MDGA1: variants seen among roughly 807,000 people sequenced by gnomAD.
MDGA1 encodes the protein MAM domain containing glycosylphosphatidylinositol anchor 1.
A neutral mutation model predicts 101.5 loss-of-function variants in MDGA1; 54 were observed. That is an observed-to-expected ratio of 0.53 (90% confidence interval 0.43 to 0.67). The LOEUF (loss-of-function observed/expected upper bound fraction) is 0.67. MDGA1 is among the 30% of genes least tolerant of loss of function. The pLI is 0.00. For missense variants in MDGA1, 1,083 were observed against 1,323.8 expected (o/e 0.82, Z 2.82); for synonymous variants, 533 against 558.3 (o/e 0.95, Z 0.64).
chr6:37,658,280 AC>A lies in MDGA1; in HGVS notation c.346del (p.Val116CysfsTer19). On this transcript the variant is annotated frameshift_variant, in exon 3 of 17. Coordinates refer to ENST00000434837, the MANE Select transcript of MDGA1 (RefSeq NM_153487.4). LOFTEE classifies it high-confidence loss of function. ...YYCKAENGVG[V>X]PAIKSIRVDV... ...CACGCGGATGGACTTGATGGCCGGC[AC>A]CCCCACGCCGTTCTCAGCCTTGCAG... The A allele has an allele frequency of 6.2e-7, 1 of 1,607,580 alleles. No individual in the cohort carries two copies. Among genetic ancestry groups the A allele is most frequent in the Non-Finnish European group, 8.5e-7 (1 of 1,177,000 alleles).
chr6:37,679,637 G>A (rs1179513370), intron 1 of MDGA1, among the ~76,000 whole-genome samples: 3 of 152,156 alleles, frequency 2.0e-5, no homozygotes, highest in Non-Finnish European at 2.9e-5. Flanking sequence ...CTGTGCCTCA[G>A]CCAGTGACAG....
At chr6:37,643,175 A>G (rs1764132125) in intron 14 of MDGA1, 1 of 152,112 alleles carries the variant, frequency 6.6e-6, no homozygotes, top group African/African-American at 2.4e-5. Context: ...GATGCGGCGC[A>G]CCCAGGACAT....
At chr6:37,683,933 C>T (rs143937216) in intron 1 of MDGA1, among the ~76,000 whole-genome samples, 8 of 152,330 alleles carry the variant, frequency 5.3e-5, no homozygotes, top group East Asian at 3.9e-4. Flanking sequence ...GTGTCCACTA[C>T]GAAATTTCTC....
intron 2 of MDGA1, 133 bp downstream of exon 2, chr6:37,663,834 C>A: frequency 2.0e-6 from 2 of 984,044 alleles, no homozygotes; most frequent in South Asian, 3.5e-5. Context: ...TTTCCCCAGC[C>A]CCCATCTCCT....
rs777334175 is a variant in MDGA1, at chr6:37,654,918, G to A, written c.594C>T (p.Val198=). 1.2e-6 allele frequency: 2 copies of A among 1,613,444 alleles called. No individual in the cohort carries two copies. Among genetic ancestry groups the A allele is most frequent in the Non-Finnish European group, 1.7e-6 (2 of 1,179,808 alleles). Residue 198 remains valine, a synonymous_variant, in exon 5 of 17, where the codon GTC becomes GTT. Coordinates refer to ENST00000434837, the MANE Select transcript of MDGA1 (RefSeq NM_153487.4). ...EPLYTQGETK[V]LKLKNLRPQD... is the part of the protein sequence containing the mutation. The stretch of plus-strand genomic sequence containing the variant: ...GGGGCCGCAGGTTCTTCAGCTTCAG[G>A]ACCTTGGTCTCCCCCTGGGCAGCAG...
chr6:37,668,531 G>A (rs1761803402), intron 1 of MDGA1, among the ~76,000 whole-genome samples: 1 of 152,168 alleles, frequency 6.6e-6, no homozygotes, highest in Non-Finnish European at 1.5e-5. Context: ...AATTCTATGA[G>A]TAAATAAGTT....
At position 37,632,186 on chromosome 6, in the gene MDGA1, T is replaced by C. The variant is rs6926735; in HGVS notation, c.*5182A>G. 0.16 allele frequency: 24,242 copies of C among 152,180 alleles called. 2,351 individuals are homozygous for C. The highest frequency in any genetic ancestry group is 0.42 in the East Asian group (2,167 of 5,154). 9.4% of individuals were successfully genotyped at this position (152,180 alleles called of 1,614,324 possible). ...AGAACCCTCTTCATACCTTCTTTCA[T>C]AGCACCAATTTCCCTTCCCAGCCCT... On this transcript the variant is annotated 3_prime_UTR_variant, in exon 17 of 17. Transcript: ENST00000434837.
Position 37,655,835 on chromosome 6 carries a change from G to A in MDGA1, c.444C>T (p.Tyr148=). ...QTVSDVRGNF[Y]QEKTVFLRCT... ...AGCGCAGGAACACCGTCTTCTCCTG[G>A]TAGAAGTTGCCTCGCACATCGCTCA... Residue 148 remains tyrosine, a synonymous_variant, in exon 4 of 17, where the codon TAC becomes TAT. Coordinates refer to ENST00000434837, the MANE Select transcript of MDGA1 (RefSeq NM_153487.4). The surrounding 1 kb of genome is among the most constrained non-coding windows in gnomAD (Gnocchi z 5.1). The A allele has an allele frequency of 1.9e-6, 3 of 1,613,698 alleles. No individual in the cohort carries two copies. Among genetic ancestry groups the A allele is most frequent in the Non-Finnish European group, 2.5e-6 (3 of 1,179,786 alleles).
At chr6:37,667,149 C>T (rs910123840) in intron 1 of MDGA1, among the ~76,000 whole-genome samples, 5 of 152,202 alleles carry the variant, frequency 3.3e-5, no homozygotes, top group African/African-American at 1.2e-4. Flanking sequence ...GGCAGCAGGT[C>T]GATAAACTTG....
Position 37,637,238 on chromosome 6 carries a change from A to AT in MDGA1, c.*129dup. On this transcript the variant is annotated 3_prime_UTR_variant, in exon 17 of 17. Transcript: ENST00000434837. The stretch of plus-strand genomic sequence containing the variant: ...TGTTCTCTGCTCATCCTTGCAGCCA[A>AT]TGCAGGCCCCCTCCCTGGCGGGCCG... 1 of 673,320 alleles carries AT rather than the reference A, an allele frequency of 1.5e-6. No individual in the cohort carries two copies. Among genetic ancestry groups the AT allele is most frequent in the Non-Finnish European group, 2.6e-6 (1 of 382,534 alleles). 41.7% of individuals were successfully genotyped at this position (673,320 alleles called of 1,614,324 possible).
At position 37,647,304 on chromosome 6, in the gene MDGA1, A is replaced by G; in HGVS notation, c.1915T>C (p.Phe639Leu). 1.3e-6 allele frequency: 2 copies of G among 1,543,520 alleles called. No homozygotes were observed. Among genetic ancestry groups the G allele is most frequent in the Non-Finnish European group, 1.8e-6 (2 of 1,141,798 alleles). ...QVSAKAYSPE[F>L]YFDTPNPTRS... ...GTGGGGTTGGGGGTGTCGAAGTAAA[A>G]CTCCGGGCTGTAGGCTTTGGCTAAG... Residue 639 changes from phenylalanine (F) to leucine (L), a missense_variant, in exon 10 of 17, where the codon TTT (phenylalanine) becomes CTT (leucine). Around this residue, in one of 3 missense-constraint regions of MDGA1, gnomAD observed 657 missense variants for 771.4 expected, o/e 0.85. Transcript: ENST00000434837.
Position 37,663,504 on chromosome 6 carries a change from C to T in MDGA1, c.207+463G>A, listed in dbSNP as rs1561852201. Among the ~76,000 whole-genome samples, 5 of 152,316 alleles carry T rather than the reference C, an allele frequency of 3.3e-5. No homozygotes were observed. In the South Asian group the frequency reaches 1.0e-3, roughly 32 times the overall value. On this transcript the variant is annotated intron_variant, in intron 2 of 16. Transcript: ENST00000434837. The stretch of plus-strand genomic sequence containing the variant: ...TCTGCTTCCATCCTCACAAGAGCTG[C>T]GTGCGCTTGGGAGTTTACCCAACCT...
intron 14 of MDGA1, chr6:37,639,793 G>C (rs1295768738): frequency 6.6e-6 from 1 of 152,160 alleles, no homozygotes; most frequent in Non-Finnish European, 1.5e-5. Context: ...TAGTGTCCTA[G>C]AACAGTGCCT....
At chr6:37,653,039 A>T (rs1479058443) in intron 6 of MDGA1, among the ~76,000 whole-genome samples, 1 of 152,240 alleles carries the variant, frequency 6.6e-6, no homozygotes, top group African/African-American at 2.4e-5. Context: ...CTGGCCTCTT[A>T]AAAAAATGTG....
intron 12 of MDGA1, 61 bp downstream of exon 12, chr6:37,645,872 C>T: frequency 1.3e-6 from 2 of 1,581,996 alleles, no homozygotes; most frequent in Non-Finnish European, 1.7e-6. Flanking sequence ...CTTTCTCTCA[C>T]CAGGAGAGCC....
At chr6:37,642,419 G>A (rs966856630) in intron 14 of MDGA1, among the ~76,000 whole-genome samples, 9 of 151,892 alleles carry the variant, frequency 5.9e-5, no homozygotes, top group African/African-American at 1.7e-4. Flanking sequence ...TGTCCCGCCC[G>A]CCTCGGCCTC....
Position 37,633,724 on chromosome 6 carries a change from C to T in MDGA1, c.*3644G>A, listed in dbSNP as rs550915626. 1.3e-5 allele frequency: 2 copies of T among 152,476 alleles called. No individual in the cohort carries two copies. The highest frequency in any genetic ancestry group is 4.8e-5 in the African/African-American group (2 of 41,568). The allele number at this position is 152,476 out of a possible 1,614,324, so 9.4% of individuals were successfully genotyped here. The stretch of plus-strand genomic sequence containing the variant: ...AGGATCCCAGCAACATCTATAACAT[C>T]CCCACCGGCACCCTGGACACAGGAC... On this transcript the variant is annotated 3_prime_UTR_variant, in exon 17 of 17. Transcript: ENST00000434837.
Position 37,638,126 on chromosome 6 carries a change from C to T in MDGA1, c.2776+79G>A, listed in dbSNP as rs770469914. 5 of 1,182,904 alleles carry T rather than the reference C, an allele frequency of 4.2e-6. No homozygotes were observed. Among genetic ancestry groups the T allele is most frequent in the Admixed American group, 1.9e-5 (1 of 53,706 alleles). 73.3% of individuals were successfully genotyped at this position (1,182,904 alleles called of 1,614,324 possible). A position where few individuals can be genotyped will look rare whatever the true frequency, so the allele number is the denominator to read the frequency against. ...TGAACCCCTATTCAGACCCAAACAC[C>T]CTCCCTCAACAGACAGGAACCCCCG... On this transcript the variant is annotated intron_variant, in intron 16 of 16. Coordinates refer to ENST00000434837, the MANE Select transcript of MDGA1 (RefSeq NM_153487.4). This position sits in a 1 kb window ranked among gnomAD's most constrained non-coding sequence, Gnocchi z 4.8.
At position 37,682,531 on chromosome 6, in the gene MDGA1, G is replaced by A. The variant is rs543944237; in HGVS notation, c.67+14214C>T. Among the ~76,000 whole-genome samples, 5 of 152,244 alleles carry A rather than the reference G, an allele frequency of 3.3e-5. No individual in the cohort carries two copies. The South Asian group carries it at 1.0e-3, about 32-fold the overall frequency. On this transcript the variant is annotated intron_variant, in intron 1 of 16. Coordinates refer to ENST00000434837, the MANE Select transcript of MDGA1 (RefSeq NM_153487.4). ...CAAAAAACTGAACAGGTAGAAACAG[G>A]CAACCTCTAAGCCCTTTACCTTTGA...
Sources: gnomAD v4.1 joint callset for allele counts (sites outside exome capture counted in the v4.1 genomes callset) on GRCh38, gnomAD v4.1.1 for gene constraint, gnomAD v4.1.1 regional missense constraint, Gnocchi (gnomAD v3.1) non-coding constraint, MANE v1.5 for transcripts, NCBI Gene and HGNC (gene_info 2026-07-23, HGNC 2026-07-21) for gene names.